The following URGCP variants were observed in gnomAD, a reference collection of about 807,000 sequenced individuals.
URGCP encodes the protein up-regulator of cell proliferation.
Under a neutral mutation model 24.6 loss-of-function variants are expected in URGCP, and 13 were observed. The observed-to-expected ratio is 0.53, with a 90% CI of 0.34 to 0.84. The LOEUF (loss-of-function observed/expected upper bound fraction) is 0.84. Ranked by LOEUF, URGCP falls within the 40% of genes least tolerant of loss-of-function variation. The pLI, the probability that URGCP is intolerant of heterozygous loss-of-function variation, is 0.01. For missense variants in URGCP, 899 were observed against 1,194.3 expected, an observed-to-expected ratio of 0.75 and a Z score of 3.64; for synonymous variants, 444 against 487.2, an observed-to-expected ratio of 0.91 and a Z score of 1.17.
Position 43,881,941 on chromosome 7 carries a change from T to C in URGCP, c.129A>G (p.Glu43=). The C allele has an allele frequency of 6.2e-7, 1 of 1,614,162 alleles. No individual in the cohort carries two copies. Among genetic ancestry groups the C allele is most frequent in the East Asian group, 2.2e-5 (1 of 44,886 alleles). ...GGAACTCGCAATCATCTCCTTCCAT[T>C]TCTCTCCATTCCAAATCTAGAAGAA... ...AVAIADLEWR[E]MEGDDCEFRY... is the part of the protein sequence containing the mutation. Residue 43 remains glutamate (E), a synonymous_variant, in exon 4 of 6, where the codon GAA becomes GAG. Coordinates refer to ENST00000453200, the MANE Select transcript of URGCP (RefSeq NM_001077663.3).
Position 43,877,495 on chromosome 7 carries a change from T to C in URGCP, c.1968A>G (p.Thr656=). Residue 656 remains threonine (T), a synonymous_variant, in exon 6 of 6, where the codon ACA becomes ACG. Coordinates refer to ENST00000453200, the MANE Select transcript of URGCP (RefSeq NM_001077663.3). The part of the protein sequence containing the change: ...FPGLASELLL[T]GLPLELIDGS... ...CATCGATTAGCTCCAGAGGCAGCCC[T>C]GTCAGCAGCAGCTCCGAGGCCAAGC... The C allele has an allele frequency of 6.2e-7, 1 of 1,613,432 alleles. No homozygotes were observed. Among genetic ancestry groups the C allele is most frequent in the Non-Finnish European group, 8.5e-7 (1 of 1,180,018 alleles).
chr7:43,900,882 T>C (rs2095889387), intron 1 of URGCP, among the ~76,000 whole-genome samples: 2 of 152,244 alleles, frequency 1.3e-5, no homozygotes, highest in Admixed American at 6.5e-5. Flanking sequence ...GAGCCCATCC[T>C]TACTTCAGCT....
chr7:43,890,371 C>G (rs535678131), intron 1 of URGCP, among the ~76,000 whole-genome samples: 1 of 151,678 alleles, frequency 6.6e-6, no homozygotes, highest in Non-Finnish European at 1.5e-5. Context: ...CCCACGACCA[C>G]GCCCGGCTAA....
At chr7:43,896,927 G>A (rs2095879468) in intron 1 of URGCP, among the ~76,000 whole-genome samples, 3 of 151,870 alleles carry the variant, frequency 2.0e-5, no homozygotes, top group Non-Finnish European at 2.9e-5. Flanking sequence ...TTGTTCTCTT[G>A]GATTTATCCA....
At chr7:43,881,796 CA>C in intron 4 of URGCP, 99 bp from the exon 5 acceptor site, 1 of 1,606,266 alleles carries the variant, frequency 6.2e-7, no homozygotes. Context: ...TCTTTCTCAC[CA>C]AGATGGCAAC....
At chr7:43,905,808 C>A (rs1195575041) in intron 1 of URGCP, 2 of 151,920 alleles carry the variant, frequency 1.3e-5, no homozygotes, top group Non-Finnish European at 2.9e-5. Context: ...GTAAAATTAT[C>A]AAAACAAAAA....
intron 4 of URGCP, 68 bp from the exon 5 acceptor site, chr7:43,881,765 T>C: frequency 6.2e-7 from 1 of 1,613,080 alleles, no homozygotes; most frequent in Non-Finnish European, 8.5e-7. Context: ...ACAAATTAAT[T>C]GAAGCTAAAC....
chr7:43,919,500 T>C (rs1293685575), intron 1 of URGCP: 2 of 1,219,214 alleles, frequency 1.6e-6, no homozygotes, highest in Admixed American at 1.7e-5. Flanking sequence ...ATGGCTCCAC[T>C]TTCTCATGAC....
intron 1 of URGCP, among the ~76,000 whole-genome samples, chr7:43,915,979 A>G (rs1181286957): frequency 1.3e-5 from 2 of 152,192 alleles, no homozygotes; most frequent in East Asian, 3.8e-4. Context: ...ACTGCACTGC[A>G]GCCTGGGCAA....
At chr7:43,925,580 A>G (rs925999798) in intron 1 of URGCP, among the ~76,000 whole-genome samples, 1 of 151,960 alleles carries the variant, frequency 6.6e-6, no homozygotes, top group Non-Finnish European at 1.5e-5. Context: ...GCTCACTGCA[A>G]CCTCTGCCTC....
chr7:43,877,621 T>A lies in URGCP; in HGVS notation c.1842A>T (p.Glu614Asp). Residue 614 changes from glutamate (E) to aspartate (D), a missense_variant, in exon 6 of 6, where the codon GAA becomes GAT. Physicochemically the swap from Glu to Asp is conservative, Grantham distance 45 (BLOSUM62 2). Coordinates refer to ENST00000453200, the MANE Select transcript of URGCP (RefSeq NM_001077663.3). ...EPLWPEPLGV[E>D]HFLREMGQFY... is the part of the protein sequence containing the mutation. ...ACTGTCCCATCTCCCGCAAGAAGTG[T>A]TCCACCCCTAGGGGCTCAGGCCAGA... 6.2e-7 allele frequency: 1 copy of A among 1,614,134 alleles called. No individual in the cohort carries two copies.
Position 43,877,786 on chromosome 7 carries a change from G to A in URGCP, c.1677C>T (p.Ser559=), listed in dbSNP as rs371931170. 1.2e-6 allele frequency: 2 copies of A among 1,602,948 alleles called. No homozygotes were observed. The highest frequency in any genetic ancestry group is 1.7e-6 in the Non-Finnish European group (2 of 1,174,348). Residue 559 remains serine, a synonymous_variant, in exon 6 of 6, where the codon TCC becomes TCT. Coordinates refer to ENST00000453200, the MANE Select transcript of URGCP (RefSeq NM_001077663.3). ...QEFISGISSP[S]LSEKQYFLRW... ...TCAGGAAGTACTGCTTCTCACTCAA[G>A]GAGGGGCTGCTGATCCCCGAGATGA... is the stretch of plus-strand genomic sequence containing the variant.
chr7:43,906,595 C>T lies in URGCP; in HGVS notation c.-20G>A, dbSNP rs1289412689. On this transcript the variant is annotated 5_prime_UTR_variant, in exon 1 of 6. Coordinates refer to ENST00000453200, the MANE Select transcript of URGCP (RefSeq NM_001077663.3). ...CGCCATGAGCGCAGCGAGGTCTCCG[C>T]TCCCGCCTCCTTCGCTTCCTCCGCG... is the stretch of plus-strand genomic sequence containing the variant. 4.9e-6 allele frequency: 6 copies of T among 1,220,418 alleles called. No homozygotes were observed. The East Asian group carries it at 1.1e-4, about 23-fold the overall frequency. 75.6% of individuals were successfully genotyped at this position (1,220,418 alleles called of 1,614,324 possible).
At chr7:43,890,350 G>A (rs2095868842) in intron 1 of URGCP, among the ~76,000 whole-genome samples, 1 of 151,582 alleles carries the variant, frequency 6.6e-6, no homozygotes, top group African/African-American at 2.4e-5. Flanking sequence ...GAGTAGCTGG[G>A]ACTACAGGCG....
chr7:43,910,596 T>C, upstream of URGCP: 1 of 152,160 alleles, frequency 6.6e-6, no homozygotes, highest in Non-Finnish European at 1.5e-5. Flanking sequence ...GGCTCACACC[T>C]TTAATCCCAG....
upstream of URGCP, among the ~76,000 whole-genome samples, chr7:43,911,296 G>A (rs1008542733): frequency 3.9e-5 from 6 of 152,058 alleles, no homozygotes; most frequent in Non-Finnish European, 8.8e-5. Context: ...AGCTACTCGG[G>A]AAGCTGAGGC....
intron 1 of URGCP, among the ~76,000 whole-genome samples, chr7:43,913,447 T>C (rs189750164): frequency 2.0e-5 from 3 of 152,006 alleles, no homozygotes; most frequent in African/African-American, 7.2e-5. Flanking sequence ...CTTCATCTCC[T>C]GACCTTGTGA....
rs2095920285 is a variant in URGCP at position 43,919,951 on chromosome 7, T to G, written c.-116+6181A>C. ...AAGGAGGACATGTTCAAGGACAACT[T>G]TGATGAGATGGACACAACACATCTA... On this transcript the variant is annotated intron_variant, in intron 1 of 5. Transcript: ENST00000426198. The G allele has an allele frequency of 8.9e-6, 12 of 1,347,538 alleles. No individual in the cohort carries two copies. The South Asian group carries it at 1.4e-4, about 16-fold the overall frequency. 83.5% of individuals were successfully genotyped at this position (1,347,538 alleles called of 1,614,324 possible). A position where few individuals can be genotyped will look rare whatever the true frequency, so the allele number is the denominator to read the frequency against.
chr7:43,925,429 CCAA>C (rs2095928071), intron 1 of URGCP, among the ~76,000 whole-genome samples: 1 of 152,156 alleles, frequency 6.6e-6, no homozygotes, highest in Non-Finnish European at 1.5e-5. Flanking sequence ...CATACACACA[CCAA>C]CAAAACTTCC....
Sources: allele counts gnomAD v4.1 joint callset (sites outside exome capture counted in the v4.1 genomes callset), GRCh38; gene constraint gnomAD v4.1.1; transcripts MANE v1.5; gene names NCBI Gene and HGNC (gene_info 2026-07-23, HGNC 2026-07-21).